The following SUCLG2 variants were observed in gnomAD, a reference collection of about 807,000 sequenced individuals.
The protein encoded by SUCLG2 is succinate--CoA ligase [GDP-forming] subunit beta, mitochondrial.
A neutral mutation model predicts 47.9 loss-of-function variants in SUCLG2; 42 were observed. The ratio of observed to expected loss-of-function variants is 0.88; its 90% confidence interval spans 0.69 to 1.14. The LOEUF is 1.14. Among genes scored for constraint, SUCLG2 ranks in the 50% most tolerant of loss-of-function variants. SUCLG2 has a pLI of 0.00. For missense variants in SUCLG2, 571 were observed against 525.9 expected, an observed-to-expected ratio of 1.09 and a Z score of -0.84; for synonymous variants, 195 against 197.3, an observed-to-expected ratio of 0.99 and a Z score of 0.10.
chr3:67,605,794 G>A (rs1035158523), intron 2 of SUCLG2, among the ~76,000 whole-genome samples: 36 of 152,182 alleles, frequency 2.4e-4, no homozygotes, highest in African/African-American at 8.7e-4. Flanking sequence ...TTTCTTGAGA[G>A]CATACCTGAA....
At position 67,375,171 on chromosome 3, in the gene SUCLG2, T is replaced by C; in HGVS notation, c.*573A>G. ...AGATATTCCATTATTAAATATATTT[T>C]GGAATACTCACGGATTTTTCAAACA... On this transcript the variant is annotated 3_prime_UTR_variant, in exon 11 of 11. Transcript: ENST00000307227. The C allele has an allele frequency of 1.0e-6, 1 of 985,520 alleles. No homozygotes were observed. Among genetic ancestry groups the C allele is most frequent in the Non-Finnish European group, 1.2e-6 (1 of 829,626 alleles). 61.0% of individuals were successfully genotyped at this position (985,520 alleles called of 1,614,324 possible). A position where few individuals can be genotyped will look rare whatever the true frequency, so the allele number is the denominator to read the frequency against.
chr3:67,467,955 G>A (rs1704513901), intron 9 of SUCLG2, among the ~76,000 whole-genome samples: 1 of 152,056 alleles, frequency 6.6e-6, no homozygotes, highest in Admixed American at 6.6e-5. Context: ...GCATGCTGTC[G>A]AGAAATGCTA....
chr3:67,503,561 C>T (rs1354570178), intron 7 of SUCLG2, among the ~76,000 whole-genome samples: 1 of 152,116 alleles, frequency 6.6e-6, no homozygotes, highest in Non-Finnish European at 1.5e-5. Flanking sequence ...ACAAACAATA[C>T]AAAATGCATT....
At chr3:67,406,421 C>T (rs191932609) in intron 9 of SUCLG2, among the ~76,000 whole-genome samples, 53 of 152,206 alleles carry the variant, frequency 3.5e-4, no homozygotes, top group Admixed American at 1.8e-3. Flanking sequence ...ATGCTAGGTC[C>T]TATGTGAGTA....
chr3:67,384,895 T>G (rs1372854879), intron 10 of SUCLG2, among the ~76,000 whole-genome samples: 1 of 152,220 alleles, frequency 6.6e-6, no homozygotes, highest in Non-Finnish European at 1.5e-5. Context: ...AGATGAAAGC[T>G]GTCTTCCCTC....
At chr3:67,415,701 T>C (rs1372031404) in intron 9 of SUCLG2, among the ~76,000 whole-genome samples, 1 of 152,228 alleles carries the variant, frequency 6.6e-6, no homozygotes, top group Non-Finnish European at 1.5e-5. Flanking sequence ...ACACATTCCT[T>C]AAACATGAGA....
chr3:67,464,954 G>A (rs761626442), intron 9 of SUCLG2, among the ~76,000 whole-genome samples: 4 of 152,284 alleles, frequency 2.6e-5, no homozygotes, highest in South Asian at 4.1e-4. Context: ...CTGCCAGGAC[G>A]AATCGGAAGA....
At position 67,489,673 on chromosome 3, in the gene SUCLG2, G is replaced by C. The variant is rs555226141; in HGVS notation, c.1062+6125C>G. Among the ~76,000 whole-genome samples, 391 of 152,306 alleles carry C rather than the reference G, an allele frequency of 2.6e-3. 1 individual carries two copies. Among genetic ancestry groups the C allele is most frequent in the South Asian group, 0.011 (55 of 4,830 alleles). On this transcript the variant is annotated intron_variant, in intron 9 of 10. Coordinates refer to ENST00000307227, the MANE Select transcript of SUCLG2 (RefSeq NM_003848.4). The stretch of plus-strand genomic sequence containing the variant: ...TACAAGAGTTCTACTTCCCTACAAA[G>C]AAAACAGTCGCTTGCAGATAAGGTA...
chr3:67,574,005 T>C (rs900984206), intron 2 of SUCLG2, among the ~76,000 whole-genome samples: 3 of 152,226 alleles, frequency 2.0e-5, no homozygotes, highest in African/African-American at 7.2e-5. Flanking sequence ...CTTGTAGTAC[T>C]AAGATCCCTG....
chr3:67,497,346 T>A (rs537071889), intron 8 of SUCLG2, among the ~76,000 whole-genome samples: 1 of 152,284 alleles, frequency 6.6e-6, no homozygotes, highest in East Asian at 1.9e-4. Flanking sequence ...GAATTGATTC[T>A]ACCAGAAACA....
At chr3:67,605,314 C>T (rs1418442274) in intron 2 of SUCLG2, among the ~76,000 whole-genome samples, 1 of 152,254 alleles carries the variant, frequency 6.6e-6, no homozygotes, top group East Asian at 1.9e-4. Context: ...TGAAGTTTTG[C>T]CAGATTCTTC....
intron 1 of SUCLG2, among the ~76,000 whole-genome samples, chr3:67,615,731 A>G (rs992752579): frequency 6.6e-6 from 1 of 151,982 alleles, no homozygotes; most frequent in African/African-American, 2.4e-5. Flanking sequence ...ACACTAGTGC[A>G]ACCACCTTCC....
At chr3:67,559,479 G>A (rs1184806889) in intron 2 of SUCLG2, among the ~76,000 whole-genome samples, 4 of 152,096 alleles carry the variant, frequency 2.6e-5, no homozygotes, top group Non-Finnish European at 5.9e-5. Flanking sequence ...AAAACCATCA[G>A]ATCTTGTGAG....
rs56670233 is a variant in SUCLG2, at chr3:67,377,039, A to G, written c.1184-1180T>C. Among the ~76,000 whole-genome samples, 752 of 152,344 alleles carry G rather than the reference A, an allele frequency of 4.9e-3. 19 individuals are homozygous for G. The highest frequency in any genetic ancestry group is 0.048 in the South Asian group (232 of 4,828). ...ATCCTCGTAATCTTCCCAAGAACTA[A>G]TATCATTAAGTGCTTATGTATGCCA... is the stretch of plus-strand genomic sequence containing the variant. On this transcript the variant is annotated intron_variant, in intron 10 of 10. Transcript: ENST00000307227.
intron 2 of SUCLG2, among the ~76,000 whole-genome samples, chr3:67,535,632 T>C (rs1706520095): frequency 6.6e-6 from 1 of 152,174 alleles, no homozygotes; most frequent in Non-Finnish European, 1.5e-5. Context: ...AGGTACTCTT[T>C]TACAGCAACA....
intron 9 of SUCLG2, among the ~76,000 whole-genome samples, chr3:67,473,085 G>A (rs900907720): frequency 2.0e-5 from 3 of 152,260 alleles, no homozygotes; most frequent in South Asian, 2.1e-4. Flanking sequence ...TTAAAAATAT[G>A]CATTTATACA....
intron 7 of SUCLG2, among the ~76,000 whole-genome samples, chr3:67,504,827 T>G (rs1484149777): frequency 6.6e-6 from 1 of 152,010 alleles, no homozygotes; most frequent in Non-Finnish European, 1.5e-5. Context: ...GCTAGCAAAA[T>G]GAATGAATGA....
chr3:67,410,769 C>G (rs1220698312), intron 9 of SUCLG2, among the ~76,000 whole-genome samples: 1 of 152,166 alleles, frequency 6.6e-6, no homozygotes, highest in Non-Finnish European at 1.5e-5. Context: ...ATATAATTCT[C>G]TCTTAACAAA....
chr3:67,381,673 A>G (rs567829973), intron 10 of SUCLG2, among the ~76,000 whole-genome samples: 1 of 152,158 alleles, frequency 6.6e-6, no homozygotes, highest in Non-Finnish European at 1.5e-5. Context: ...GCACTTCTTA[A>G]TATCTGCTTG....
Sources: gnomAD v4.1 joint callset for allele counts (sites outside exome capture counted in the v4.1 genomes callset) on GRCh38, gnomAD v4.1.1 for gene constraint, MANE v1.5 for transcripts, NCBI Gene and HGNC (gene_info 2026-07-23, HGNC 2026-07-21) for gene names.